EYS: variants seen among roughly 807,000 people sequenced by gnomAD.
EYS encodes the protein protein eyes shut homolog.
A neutral mutation model predicts 282.1 loss-of-function variants in EYS; 250 were observed. The observed-to-expected ratio is 0.89, with a 90% confidence interval of 0.80 to 0.98. The LOEUF (loss-of-function observed/expected upper bound fraction) is 0.98. Among genes scored for constraint, EYS ranks in the 50% least tolerant of loss-of-function variants. EYS has a pLI of 0.00. For missense variants in EYS, 4,016 were observed against 3,709.0 expected, an observed-to-expected ratio of 1.08 and a Z score of -2.15; for synonymous variants, 1,355 against 1,282.9, an observed-to-expected ratio of 1.06 and a Z score of -1.20.
chr6:63,809,838 T>C (rs901436742), intron 36 of EYS, among the ~76,000 whole-genome samples: 3 of 152,134 alleles, frequency 2.0e-5, no homozygotes, highest in African/African-American at 7.2e-5. Flanking sequence ...ACAGAAAGGG[T>C]ATAAAATTCT....
intron 28 of EYS, among the ~76,000 whole-genome samples, chr6:64,413,800 C>T (rs1382690694): frequency 6.6e-6 from 1 of 152,066 alleles, no homozygotes; most frequent in Non-Finnish European, 1.5e-5. Flanking sequence ...TGTGTCTTCC[C>T]AAATTCATAT....
chr6:65,005,771 G>T (rs967338285), intron 13 of EYS, among the ~76,000 whole-genome samples: 1 of 119,206 alleles, frequency 8.4e-6, no homozygotes, highest in African/African-American at 2.6e-5. Context: ...ACTAGAGGTA[G>T]AAAGCAGCTG....
chr6:64,665,977 C>T (rs1400821718), intron 22 of EYS, among the ~76,000 whole-genome samples: 1 of 152,152 alleles, frequency 6.6e-6, no homozygotes, highest in African/African-American at 2.4e-5. Flanking sequence ...CCTTAGCAAA[C>T]TAATGCAGGA....
chr6:65,143,211 A>C (rs1428004594), intron 12 of EYS, among the ~76,000 whole-genome samples: 3 of 152,012 alleles, frequency 2.0e-5, no homozygotes, highest in African/African-American at 7.2e-5. Context: ...ATGACTTATT[A>C]GGACATAAAA....
intron 32 of EYS, among the ~76,000 whole-genome samples, chr6:64,077,745 G>A (rs978676309): frequency 5.9e-5 from 9 of 151,912 alleles, no homozygotes; most frequent in African/African-American, 2.2e-4. Context: ...ATCCCATGAC[G>A]AAGCCTCCTG....
At chr6:65,478,377 C>T (rs1765483522) in intron 5 of EYS, among the ~76,000 whole-genome samples, 2 of 152,064 alleles carry the variant, frequency 1.3e-5, no homozygotes, top group South Asian at 4.1e-4. Context: ...GCTATATTCA[C>T]AAAATGGTGG....
chr6:64,109,929 T>C (rs1935416467), intron 31 of EYS, among the ~76,000 whole-genome samples: 1 of 152,074 alleles, frequency 6.6e-6, no homozygotes, highest in Non-Finnish European at 1.5e-5. Context: ...AAAGTTCATA[T>C]TGTAAACCAA....
At chr6:65,281,785 C>A (rs1329054318) in intron 12 of EYS, among the ~76,000 whole-genome samples, 1 of 152,018 alleles carries the variant, frequency 6.6e-6, no homozygotes, top group Non-Finnish European at 1.5e-5. Flanking sequence ...AACAGATGAA[C>A]CAGGTTCTGT....
At chr6:65,356,750 TC>T (rs1350974707) in intron 8 of EYS, among the ~76,000 whole-genome samples, 1 of 152,022 alleles carries the variant, frequency 6.6e-6, no homozygotes, top group Non-Finnish European at 1.5e-5. Context: ...CAGTACATTA[TC>T]CTCTAACATA....
At chr6:65,443,452 A>ACATATATGTACACATATAGCCATATGTG (rs1768505895) in intron 5 of EYS, among the ~76,000 whole-genome samples, 1 of 147,566 alleles carries the variant, frequency 6.8e-6, no homozygotes, top group African/African-American at 2.4e-5. Context: ...AGCCATATGT[A>ACATATATGTACACATATAGCCATATGTG]CATATACGCC....
chr6:63,721,329 C>T lies in EYS; in HGVS notation c.8702G>A (p.Cys2901Tyr). The T allele has an allele frequency of 6.4e-7, 1 of 1,551,996 alleles. No homozygotes were observed. The highest frequency in any genetic ancestry group is 8.7e-7 in the Non-Finnish European group (1 of 1,147,008). ...TVNGTTFSCR[C>Y]LPDWAGNTCN... ...TGTATTTCCAGCCCAATCTGGCAAA[C>T]ATCTGCAAGAAAAAGTTGTGCCATT... Residue 2901 changes from cysteine (C) to tyrosine (Y), a missense_variant, in exon 43 of 43, where the codon TGT becomes TAT. Physicochemically the swap from Cys to Tyr is radical, Grantham distance 194. Coordinates refer to ENST00000503581, the MANE Select transcript of EYS (RefSeq NM_001142800.2).
intron 29 of EYS, among the ~76,000 whole-genome samples, chr6:64,370,623 G>T (rs1353250465): frequency 6.6e-6 from 1 of 152,060 alleles, no homozygotes; most frequent in Non-Finnish European, 1.5e-5. Flanking sequence ...ACATCTGGTA[G>T]AATTTGGCTG....
chr6:64,274,487 T>TTTTTTTTTTTGTA (rs1323324026), intron 30 of EYS, among the ~76,000 whole-genome samples: 8 of 145,120 alleles, frequency 5.5e-5, no homozygotes, highest in African/African-American at 1.9e-4. Flanking sequence ...GGCCGTTTTT[T>TTTTTTTTTTTGTA]TTTTTTTTTT....
At chr6:64,931,368 T>C (rs980831844) in intron 15 of EYS, among the ~76,000 whole-genome samples, 27 of 152,136 alleles carry the variant, frequency 1.8e-4, no homozygotes, top group Non-Finnish European at 7.4e-5. Flanking sequence ...CAAAGTTAAA[T>C]AGGATATTCA....
intron 29 of EYS, among the ~76,000 whole-genome samples, chr6:64,360,683 T>C (rs915902688): frequency 6.6e-6 from 1 of 151,776 alleles, no homozygotes; most frequent in Admixed American, 6.6e-5. Flanking sequence ...TTTGTGTTAT[T>C]ACAAAATATA....
At chr6:64,819,117 C>A (rs372715297) in intron 21 of EYS, among the ~76,000 whole-genome samples, 25 of 152,234 alleles carry the variant, frequency 1.6e-4, no homozygotes, top group African/African-American at 6.0e-4. Flanking sequence ...GAATCTCCTG[C>A]AGAGTGTGTT....
At chr6:64,901,697 T>C (rs1767668841) in intron 18 of EYS, among the ~76,000 whole-genome samples, 1 of 152,044 alleles carries the variant, frequency 6.6e-6, no homozygotes, top group African/African-American at 2.4e-5. Context: ...ATAGTCCAAA[T>C]ATCTATAACC....
intron 30 of EYS, 76 bp downstream of exon 30, chr6:64,306,894 T>A: frequency 1.3e-6 from 1 of 751,746 alleles, no homozygotes; most frequent in Non-Finnish European, 2.3e-6. Context: ...TTCATTAGAT[T>A]ATTTCAATTG....
chr6:63,973,875 A>C (rs1356951021), intron 35 of EYS, among the ~76,000 whole-genome samples: 1 of 152,164 alleles, frequency 6.6e-6, no homozygotes, highest in Non-Finnish European at 1.5e-5. Flanking sequence ...TTAGGTAGGC[A>C]GGTGGGAACA....
Sources: allele counts gnomAD v4.1 joint callset (sites outside exome capture counted in the v4.1 genomes callset), GRCh38; gene constraint gnomAD v4.1.1; transcripts MANE v1.5; gene names NCBI Gene and HGNC (gene_info 2026-07-23, HGNC 2026-07-21).